Variants in MARCHF3 observed in about 807,000 individuals in gnomAD.
MARCHF3 encodes the protein E3 ubiquitin-protein ligase MARCHF3.
MARCHF3 carries 13 observed loss-of-function variants against 24.2 expected under a neutral mutation model. The observed-to-expected ratio is 0.54, with a 90% confidence interval of 0.35 to 0.85. The LOEUF is 0.85. MARCHF3 is among the 40% of genes least tolerant of loss of function. MARCHF3 has a pLI of 0.01. For missense variants in MARCHF3, 276 were observed against 325.0 expected, an observed-to-expected ratio of 0.85 and a Z score of 1.16; for synonymous variants, 144 against 137.3, an observed-to-expected ratio of 1.05 and a Z score of -0.34.
At chr5:126,935,944 T>C (rs1227224890) in intron 1 of MARCHF3, among the ~76,000 whole-genome samples, 1 of 152,064 alleles carries the variant, frequency 6.6e-6, no homozygotes, top group Non-Finnish European at 1.5e-5. Flanking sequence ...TACAGGTGTG[T>C]ATATATATTT....
At chr5:126,943,604 A>T (rs1749907457) in intron 1 of MARCHF3, among the ~76,000 whole-genome samples, 1 of 151,948 alleles carries the variant, frequency 6.6e-6, no homozygotes, top group African/African-American at 2.4e-5. Context: ...AAACCCCTCA[A>T]AATATTAAAT....
intron 3 of MARCHF3, among the ~76,000 whole-genome samples, chr5:126,911,499 A>G (rs1754531323): frequency 1.3e-5 from 2 of 152,192 alleles, no homozygotes; most frequent in Non-Finnish European, 2.9e-5. Context: ...GATAATCTAC[A>G]TTTTGAATGC....
At chr5:126,873,713 CAG>C (rs1169449556) in intron 4 of MARCHF3, among the ~76,000 whole-genome samples, 2 of 152,268 alleles carry the variant, frequency 1.3e-5, no homozygotes, top group African/African-American at 2.4e-5. Context: ...TGTAGACAAA[CAG>C]ATGAGATCTT....
intron 1 of MARCHF3, among the ~76,000 whole-genome samples, chr5:126,979,128 T>C (rs761455674): frequency 5.3e-5 from 8 of 152,262 alleles, no homozygotes; most frequent in Non-Finnish European, 7.3e-5. Flanking sequence ...TGGGGCTTTA[T>C]CAGTCCTATT....
At chr5:126,960,068 TTA>T (rs1750589451) in intron 1 of MARCHF3, among the ~76,000 whole-genome samples, 1 of 152,178 alleles carries the variant, frequency 6.6e-6, no homozygotes, top group Admixed American at 6.5e-5. Context: ...TCCCTGCTAA[TTA>T]TCTTTCCAAC....
intron 3 of MARCHF3, among the ~76,000 whole-genome samples, chr5:126,896,969 A>G (rs910090266): frequency 6.6e-6 from 1 of 151,554 alleles, no homozygotes; most frequent in African/African-American, 2.4e-5. Context: ...AAAGGGTAAG[A>G]GGCACTGTTC....
intron 1 of MARCHF3, among the ~76,000 whole-genome samples, chr5:127,016,454 T>A (rs1752641491): frequency 6.6e-6 from 1 of 152,178 alleles, no homozygotes; most frequent in Non-Finnish European, 1.5e-5. Context: ...GCAAAGGATA[T>A]GAACAGATAC....
At chr5:126,973,468 G>A (rs1340678324) in intron 1 of MARCHF3, among the ~76,000 whole-genome samples, 1 of 152,228 alleles carries the variant, frequency 6.6e-6, no homozygotes, top group African/African-American at 2.4e-5. Flanking sequence ...CTGTAGGGGA[G>A]GCGCCTGCAA....
intron 1 of MARCHF3, among the ~76,000 whole-genome samples, chr5:126,997,200 G>A (rs544967614): frequency 2.0e-5 from 3 of 152,234 alleles, no homozygotes; most frequent in African/African-American, 7.2e-5. Context: ...TTAGTAAGTG[G>A]TTACTGAGTA....
At chr5:126,958,067 G>A (rs1371409180) in intron 1 of MARCHF3, among the ~76,000 whole-genome samples, 1 of 151,908 alleles carries the variant, frequency 6.6e-6, no homozygotes, top group Non-Finnish European at 1.5e-5. Context: ...ATTGATTTTA[G>A]TTTTATTTTG....
intron 1 of MARCHF3, among the ~76,000 whole-genome samples, chr5:126,976,315 T>C (rs1751192744): frequency 6.6e-6 from 1 of 152,218 alleles, no homozygotes; most frequent in Non-Finnish European, 1.5e-5. Flanking sequence ...ACTCGATCAA[T>C]TTCACTTTGC....
chr5:126,955,536 C>T (rs1274100119), intron 1 of MARCHF3, among the ~76,000 whole-genome samples: 1 of 152,148 alleles, frequency 6.6e-6, no homozygotes, highest in African/African-American at 2.4e-5. Context: ...GTTTTTGTTT[C>T]AGCCAGCATT....
chr5:126,918,499 A>G (rs915343994), intron 1 of MARCHF3, among the ~76,000 whole-genome samples: 1 of 152,192 alleles, frequency 6.6e-6, no homozygotes, highest in Non-Finnish European at 1.5e-5. Context: ...AGGGGACAGA[A>G]TGATGACTCT....
chr5:126,967,342 A>AAAGTAGAG (rs1750853621), intron 1 of MARCHF3, among the ~76,000 whole-genome samples: 1 of 152,192 alleles, frequency 6.6e-6, no homozygotes, highest in Non-Finnish European at 1.5e-5. Flanking sequence ...AACAAATGTA[A>AAAGTAGAG]AAGTAGAGAA....
At chr5:126,933,415 G>T (rs148975950) in intron 1 of MARCHF3, among the ~76,000 whole-genome samples, 1 of 150,838 alleles carries the variant, frequency 6.6e-6, no homozygotes. Context: ...AGAATTTTCC[G>T]CTGTATGCCT....
chr5:126,882,347 C>T (rs183798442), intron 3 of MARCHF3, among the ~76,000 whole-genome samples: 4 of 152,236 alleles, frequency 2.6e-5, no homozygotes, highest in Admixed American at 6.5e-5. Flanking sequence ...GATTTGATCA[C>T]GCTAGTTTCA....
At chr5:126,917,839 G>A (rs1020265166) in intron 2 of MARCHF3, 145 bp downstream of exon 2, 30 of 765,254 alleles carry the variant, frequency 3.9e-5, no homozygotes, top group Middle Eastern at 5.2e-4. Flanking sequence ...AACAGAACTC[G>A]TGTAGTCTTT....
In MARCHF3 at chr5:126,985,853, G is replaced by A. The variant is rs368024346; in HGVS notation, c.-57+44497C>T. 5.9e-5 allele frequency among the ~76,000 whole-genome samples: 9 copies of A among 152,252 alleles called. No individual in the cohort carries two copies. In the South Asian group the frequency reaches 1.2e-3, roughly 21 times the overall value. On this transcript the variant is annotated intron_variant, in intron 1 of 4. Transcript: ENST00000308660. ...AGTTGTTTTTGATTCTTAAATACAC[G>A]TTTGCAGGGAGAGAACCTGACCTTG...
intron 1 of MARCHF3, among the ~76,000 whole-genome samples, chr5:126,918,939 C>T (rs1007707723): frequency 1.3e-5 from 2 of 152,088 alleles, no homozygotes; most frequent in African/African-American, 4.8e-5. Flanking sequence ...TTCTAATGAA[C>T]GTGACAATAA....
Sources: gnomAD v4.1 joint callset for allele counts (sites outside exome capture counted in the v4.1 genomes callset) on GRCh38, gnomAD v4.1.1 for gene constraint, MANE v1.5 for transcripts, NCBI Gene and HGNC (gene_info 2026-07-23, HGNC 2026-07-21) for gene names.